ALLC: variants seen among roughly 807,000 people sequenced by gnomAD.
ALLC encodes probable inactive allantoicase.
In ALLC, 40 loss-of-function variants were observed where a neutral mutation model predicts 45.0. That is an observed-to-expected ratio of 0.89 (90% CI 0.69 to 1.16). The LOEUF (loss-of-function observed/expected upper bound fraction) is 1.16, where lower values mean the gene tolerates loss of function less well. Ranked by LOEUF, ALLC falls within the 50% of genes most tolerant of loss-of-function variation. The pLI, the probability that ALLC is intolerant of heterozygous loss-of-function variation, is 0.00. For synonymous variants in ALLC, 176 were observed against 178.1 expected (o/e 0.99, Z 0.09); for missense variants, 488 against 493.1 (o/e 0.99, Z 0.10).
intron 6 of ALLC, among the ~76,000 whole-genome samples, chr2:3,682,589 G>A (rs1419596296): frequency 6.6e-6 from 1 of 152,118 alleles, no homozygotes; most frequent in Non-Finnish European, 1.5e-5. Context: ...GCAGGGGCGC[G>A]ATCTCGGCTC....
chr2:3,653,672 A>G (rs1460773462), upstream of ALLC, among the ~76,000 whole-genome samples: 2 of 152,062 alleles, frequency 1.3e-5, no homozygotes, highest in Non-Finnish European at 2.9e-5. This position sits in a 1 kb window ranked among gnomAD's most constrained non-coding sequence, Gnocchi z 4.1. Context: ...GCCAGACCAC[A>G]CCGAGATGCT....
chr2:3,698,454 A>T (rs556968158), intron 10 of ALLC, among the ~76,000 whole-genome samples: 6 of 152,252 alleles, frequency 3.9e-5, no homozygotes, highest in African/African-American at 1.4e-4. Context: ...AAGCAGATTG[A>T]CCGGGGAAGG....
chr2:3,646,754 C>T, the ALLC span, among the ~76,000 whole-genome samples: 1 of 152,210 alleles, frequency 6.6e-6, no homozygotes, highest in Non-Finnish European at 1.5e-5. Flanking sequence ...CATTAACTCA[C>T]CCCTCTATCT....
At chr2:3,649,352 C>T in the ALLC span, among the ~76,000 whole-genome samples, 1 of 151,976 alleles carries the variant, frequency 6.6e-6, no homozygotes, top group Non-Finnish European at 1.5e-5. Flanking sequence ...CGCCATTCTC[C>T]TGCCTCAGCC....
At chr2:3,666,779 A>G (rs1217964727) in intron 1 of ALLC, among the ~76,000 whole-genome samples, 2 of 152,238 alleles carry the variant, frequency 1.3e-5, no homozygotes, top group African/African-American at 4.8e-5. Context: ...TCTGCATTGC[A>G]TGGTGGGGGC....
chr2:3,683,415 A>G (rs1176661875), intron 7 of ALLC, among the ~76,000 whole-genome samples: 1 of 152,252 alleles, frequency 6.6e-6, no homozygotes, highest in Non-Finnish European at 1.5e-5. Flanking sequence ...TTGTGATATA[A>G]TTAACATGCA....
chr2:3,681,672 G>T lies in ALLC; in HGVS notation c.337G>T (p.Gly113Ter). The T allele has an allele frequency of 6.2e-7, 1 of 1,611,264 alleles. No homozygotes were observed. The highest frequency in any genetic ancestry group is 8.5e-7 in the Non-Finnish European group (1 of 1,178,654). Residue 113 changes from glycine to a stop codon, truncating the protein, a stop_gained, in exon 6 of 12, where the codon GGA becomes TGA. Transcript: ENST00000252505. LOFTEE classifies it high-confidence loss of function. ...PEIPERGTRT[G>*]AAATPEEFEA... ...AATCCCAGAAAGAGGAACCAGGACA[G>T]GAGCTGCAGCCACTCCTGAGGAGTT...
intron 9 of ALLC, among the ~76,000 whole-genome samples, chr2:3,696,753 A>G (rs1667683882): frequency 6.6e-6 from 1 of 152,210 alleles, no homozygotes; most frequent in Admixed American, 6.5e-5. Context: ...AGGGCGCTCT[A>G]GAGTCCATGC....
At chr2:3,697,241 T>C (rs1287868682) in intron 9 of ALLC, 107 bp from the exon 10 acceptor site, 5 of 787,154 alleles carry the variant, frequency 6.4e-6, no homozygotes, top group Non-Finnish European at 8.6e-6. Context: ...TCTTCTATAG[T>C]AAGAAATAAA....
At chr2:3,672,253 G>C (rs1157023908) in intron 2 of ALLC, among the ~76,000 whole-genome samples, 13 of 101,350 alleles carry the variant, frequency 1.3e-4, no homozygotes, top group African/African-American at 2.0e-4. Flanking sequence ...CTGGTTAGAT[G>C]GGAGGTCCTC....
chr2:3,668,442 C>T (rs34705357), intron 1 of ALLC, among the ~76,000 whole-genome samples: 39,769 of 151,714 alleles, frequency 0.26, 5,357 homozygotes, highest in Non-Finnish European at 0.29. Flanking sequence ...GGGCTAAGGA[C>T]GGCTTGTAGA....
intron 7 of ALLC, among the ~76,000 whole-genome samples, chr2:3,689,431 C>T (rs1667414212): frequency 6.6e-6 from 1 of 150,904 alleles, no homozygotes; most frequent in South Asian, 2.1e-4. Context: ...TTGTTTCAAG[C>T]ATTTTTAAAA....
At chr2:3,676,542 C>T (rs536862153) in intron 3 of ALLC, among the ~76,000 whole-genome samples, 9 of 152,226 alleles carry the variant, frequency 5.9e-5, no homozygotes, top group Admixed American at 1.3e-4. Flanking sequence ...CCACCGTGCC[C>T]GGCCCTAAAC....
At chr2:3,696,404 A>G in intron 9 of ALLC, 56 bp downstream of exon 9, 2 of 1,459,466 alleles carry the variant, frequency 1.4e-6, no homozygotes, top group South Asian at 1.3e-5. Context: ...ATTTTTTGGA[A>G]CTTTTTCTTT....
upstream of ALLC, among the ~76,000 whole-genome samples, chr2:3,653,895 G>A (rs542794631): frequency 5.3e-5 from 8 of 152,292 alleles, no homozygotes; most frequent in South Asian, 1.7e-3. The surrounding 1 kb of genome is among the most constrained non-coding windows in gnomAD (Gnocchi z 4.1). Flanking sequence ...CTTCCCTGCT[G>A]GGGTTTATCA....
At chr2:3,667,194 G>A (rs145420760) in intron 1 of ALLC, among the ~76,000 whole-genome samples, 174 of 152,230 alleles carry the variant, frequency 1.1e-3, no homozygotes, top group African/African-American at 3.9e-3. Flanking sequence ...TCCTGAGCCC[G>A]CAGAGCTCAC....
intron 3 of ALLC, 131 bp from the exon 4 acceptor site, chr2:3,678,337 G>C: frequency 1.5e-6 from 1 of 667,890 alleles, no homozygotes; most frequent in South Asian, 1.8e-5. Flanking sequence ...TGGGCATGAA[G>C]GTGGTGGCAG....
In ALLC at chr2:3,680,514, G is replaced by A. The variant is rs13412827; in HGVS notation, c.298+520G>A. Among the ~76,000 whole-genome samples, 4,087 of 152,278 alleles carry A rather than the reference G, an allele frequency of 0.027. 199 individuals carry two copies. The highest frequency in any genetic ancestry group is 0.093 in the African/African-American group (3,878 of 41,524). ...TAAATGAGACGTATTCTGTGAAAGGGCCATATACACAGAGCAGACCTCAGG... is the reference window on the plus strand; with the variant it reads ...TAAATGAGACGTATTCTGTGAAAGGACCATATACACAGAGCAGACCTCAGG... On this transcript the variant is annotated intron_variant, in intron 5 of 11. Transcript: ENST00000252505. The surrounding 1 kb of genome is among the most constrained non-coding windows in gnomAD (Gnocchi z 4.0).
In ALLC at chr2:3,701,388, G is replaced by A. The variant is rs564274161; in HGVS notation, c.851-124G>A. ...TCACATACTTCATACCTTTGCTTTT[G>A]CTCAGGAAGAGCAGGGACTTGTTTT... On this transcript the variant is annotated intron_variant, in intron 10 of 11. Coordinates refer to ENST00000252505, the MANE Select transcript of ALLC (RefSeq NM_018436.4). 10 of 1,218,106 alleles carry A rather than the reference G, an allele frequency of 8.2e-6. No homozygotes were observed. The African/African-American group carries it at 1.5e-4, about 19-fold the overall frequency. The allele number at this position is 1,218,106 out of a possible 1,614,324, so 75.5% of individuals were successfully genotyped here. A position where few individuals can be genotyped will look rare whatever the true frequency, so the allele number is the denominator to read the frequency against.
Sources: allele counts gnomAD v4.1 joint callset (sites outside exome capture counted in the v4.1 genomes callset), GRCh38; gene constraint gnomAD v4.1.1; non-coding constraint Gnocchi (gnomAD v3.1); transcripts MANE v1.5; gene names NCBI Gene and HGNC (gene_info 2026-07-23, HGNC 2026-07-21).